The following STIM2 variants were observed in gnomAD, a reference collection of about 807,000 sequenced individuals.
STIM2 encodes the protein stromal interaction molecule 2.
A neutral mutation model predicts 85.8 loss-of-function variants in STIM2; 31 were observed. That is an observed-to-expected ratio of 0.36 (90% confidence interval 0.27 to 0.49). The LOEUF is 0.49. Among genes scored for constraint, STIM2 ranks in the 20% least tolerant of loss-of-function variants. The pLI is 0.98. For missense variants in STIM2, 841 were observed against 927.6 expected (o/e 0.91, Z 1.21); for synonymous variants, 356 against 331.1 (o/e 1.08, Z -0.82).
chr4:26,920,582 C>T (rs1272763000), intron 2 of STIM2, among the ~76,000 whole-genome samples: 5 of 152,064 alleles, frequency 3.3e-5, no homozygotes, highest in Non-Finnish European at 5.9e-5. Context: ...ACATTATTTT[C>T]TACATTATTA....
Position 27,007,576 on chromosome 4 carries a change from G to GAAGC in STIM2, c.1027_1030dup (p.Ser344LysfsTer18). ...AAGGCCGAAAAAGAATTTGAACTGA[G>GAAGC]AAGCAGTTGGTCTGTTCCAGATGCA... On this transcript the variant is annotated frameshift_variant, in exon 8 of 12. Transcript: ENST00000467087. LOFTEE classifies it high-confidence loss of function. 1 of 1,586,894 alleles carries GAAGC rather than the reference G, an allele frequency of 6.3e-7. No individual in the cohort carries two copies. The highest frequency in any genetic ancestry group is 8.6e-7 in the Non-Finnish European group (1 of 1,167,280).
chr4:27,011,255 A>G (rs1728544914), intron 10 of STIM2, among the ~76,000 whole-genome samples: 1 of 151,888 alleles, frequency 6.6e-6, no homozygotes, highest in Non-Finnish European at 1.5e-5. Flanking sequence ...ATATTTTACA[A>G]CTCTTTTTGC....
chr4:26,885,929 A>G (rs1303155768), intron 1 of STIM2, among the ~76,000 whole-genome samples: 4 of 146,726 alleles, frequency 2.7e-5, no homozygotes, highest in Non-Finnish European at 4.5e-5. Flanking sequence ...TTACTGAGAC[A>G]TTCCATTATG....
At chr4:26,871,588 C>T (rs551235225) in intron 1 of STIM2, among the ~76,000 whole-genome samples, 2 of 152,014 alleles carry the variant, frequency 1.3e-5, no homozygotes, top group Middle Eastern at 3.4e-3. Flanking sequence ...TCAGTAAGTG[C>T]GTAATTTCTG....
At chr4:27,021,016 C>T (rs376586983) in intron 11 of STIM2, 36 of 1,536,490 alleles carry the variant, frequency 2.3e-5, no homozygotes, top group Non-Finnish European at 2.4e-5. Flanking sequence ...ACCTTGGGCT[C>T]GGTGCGTGCA....
intron 3 of STIM2, among the ~76,000 whole-genome samples, chr4:26,973,517 A>G (rs1204807771): frequency 1.3e-5 from 2 of 152,100 alleles, no homozygotes; most frequent in African/African-American, 4.8e-5. Context: ...ATTCAGGGGC[A>G]AGTTGTTCAG....
intron 1 of STIM2, among the ~76,000 whole-genome samples, chr4:26,868,883 C>T (rs1029678698): frequency 2.0e-5 from 3 of 152,186 alleles, no homozygotes; most frequent in East Asian, 1.9e-4. Context: ...CTGTATTAAT[C>T]CTCGCCGTTT....
chr4:26,920,086 G>A (rs1235250784), intron 2 of STIM2, among the ~76,000 whole-genome samples: 1 of 152,156 alleles, frequency 6.6e-6, no homozygotes, highest in Non-Finnish European at 1.5e-5. Flanking sequence ...GTTGGGGCTG[G>A]AGTATCTAAG....
chr4:26,938,338 G>A (rs78949911), intron 2 of STIM2, among the ~76,000 whole-genome samples: 125 of 152,070 alleles, frequency 8.2e-4, no homozygotes, highest in East Asian at 5.6e-3. Flanking sequence ...ATGTCAAAGG[G>A]TACAAACTTT....
chr4:26,942,388 T>C (rs562213856), intron 2 of STIM2, among the ~76,000 whole-genome samples: 2 of 152,286 alleles, frequency 1.3e-5, no homozygotes, highest in Admixed American at 1.3e-4. Context: ...TTCTTACCTT[T>C]ACACACAACA....
At chr4:26,964,304 A>G (rs1726624081) in intron 3 of STIM2, among the ~76,000 whole-genome samples, 2 of 152,136 alleles carry the variant, frequency 1.3e-5, no homozygotes, top group Admixed American at 1.3e-4. Context: ...AAAGGGTATT[A>G]TTTTAGCAAT....
At chr4:26,991,330 A>G (rs1727758191) in intron 3 of STIM2, among the ~76,000 whole-genome samples, 1 of 152,152 alleles carries the variant, frequency 6.6e-6, no homozygotes, top group Admixed American at 6.6e-5. Flanking sequence ...CCAGGCACAG[A>G]AAGACAAATA....
chr4:26,918,363 G>T (rs566035499), intron 1 of STIM2, among the ~76,000 whole-genome samples: 113 of 151,094 alleles, frequency 7.5e-4, no homozygotes, highest in African/African-American at 2.6e-3. Context: ...ATCTTAGTAA[G>T]TATCTCTACT....
At chr4:26,966,801 T>G (rs1032928380) in intron 3 of STIM2, among the ~76,000 whole-genome samples, 6 of 152,146 alleles carry the variant, frequency 3.9e-5, no homozygotes, top group African/African-American at 1.4e-4. Flanking sequence ...TTATATCTTA[T>G]AATTAAAAAC....
chr4:27,002,871 A>G (rs1728205532), intron 6 of STIM2, 56 bp from the exon 7 acceptor site: 1 of 1,419,654 alleles, frequency 7.0e-7, no homozygotes, highest in Non-Finnish European at 9.3e-7. Context: ...TATTTTGTAA[A>G]AAAAAATAAA....
At chr4:26,887,510 C>T (rs1723303559) in intron 1 of STIM2, among the ~76,000 whole-genome samples, 2 of 152,136 alleles carry the variant, frequency 1.3e-5, no homozygotes, top group African/African-American at 2.4e-5. Context: ...TCCTGAACAA[C>T]TTTTCCATTA....
intron 10 of STIM2, 61 bp downstream of exon 10, chr4:27,009,063 C>G: frequency 7.0e-7 from 1 of 1,423,802 alleles, no homozygotes; most frequent in Non-Finnish European, 9.8e-7. Context: ...TCTCCTATGT[C>G]CTTTTAGGAA....
rs1293235183 is a variant in STIM2, at chr4:27,023,852, G to A, written c.*856G>A. 2 of 152,604 alleles carry A rather than the reference G, an allele frequency of 1.3e-5. No individual in the cohort carries two copies. Among genetic ancestry groups the A allele is most frequent in the Non-Finnish European group, 2.9e-5 (2 of 68,034 alleles). The allele number at this position is 152,604 out of a possible 1,614,324, so 9.5% of individuals were successfully genotyped here. On this transcript the variant is annotated 3_prime_UTR_variant, in exon 12 of 12. Transcript: ENST00000467087. ...AACATTCACAACCTTAAGCCGAGGT[G>A]GGGGGATATGGGGATTCAGGCAATT...
chr4:26,912,468 T>TA (rs1157430314), intron 1 of STIM2, among the ~76,000 whole-genome samples: 4 of 152,252 alleles, frequency 2.6e-5, no homozygotes, highest in Non-Finnish European at 5.9e-5. Context: ...ATTCCCCACA[T>TA]ATATCAATTG....
Sources: allele counts gnomAD v4.1 joint callset (sites outside exome capture counted in the v4.1 genomes callset), GRCh38; gene constraint gnomAD v4.1.1; transcripts MANE v1.5; gene names NCBI Gene and HGNC (gene_info 2026-07-23, HGNC 2026-07-21).